AGMO: variants seen among roughly 807,000 people sequenced by gnomAD.
The protein encoded by AGMO is glyceryl-ether monooxygenase.
A neutral mutation model predicts 60.2 loss-of-function variants in AGMO; 75 were observed. That is an observed-to-expected ratio of 1.25 (90% CI 1.03 to 1.51). The LOEUF (loss-of-function observed/expected upper bound fraction) is 1.51, where lower values mean the gene tolerates loss of function less well. Ranked by LOEUF, AGMO falls within the 40% of genes most tolerant of loss-of-function variation. The probability of loss-of-function intolerance (pLI) is 0.00; values close to 1 mark genes in which losing one functional copy is unlikely to be tolerated. For missense variants in AGMO, 763 were observed against 525.5 expected (o/e 1.45, Z -4.42); for synonymous variants, 261 against 177.1 (o/e 1.47, Z -3.76).
intron 12 of AGMO, among the ~76,000 whole-genome samples, chr7:15,282,793 G>A (rs1182038647): frequency 1.3e-5 from 2 of 152,090 alleles, no homozygotes; most frequent in African/African-American, 2.4e-5. Context: ...TACTCATTGG[G>A]ATTTCTAAAG....
chr7:15,120,498 C>A, the AGMO span, among the ~76,000 whole-genome samples: 1 of 152,110 alleles, frequency 6.6e-6, no homozygotes, highest in Non-Finnish European at 1.5e-5. Context: ...GATAATGTCA[C>A]AAGGATGGGA....
At chr7:15,166,116 A>G in the AGMO span, among the ~76,000 whole-genome samples, 5 of 152,338 alleles carry the variant, frequency 3.3e-5, no homozygotes, top group Admixed American at 6.5e-5. Context: ...AGTAATAAAC[A>G]TAATAAATAA....
chr7:15,341,452 T>C (rs1781843829), intron 12 of AGMO, among the ~76,000 whole-genome samples: 1 of 152,156 alleles, frequency 6.6e-6, no homozygotes, highest in Non-Finnish European at 1.5e-5. Context: ...TCTGAGACCA[T>C]CTCAGCCTAG....
At chr7:15,272,385 T>G (rs1783642655) in intron 12 of AGMO, among the ~76,000 whole-genome samples, 1 of 149,590 alleles carries the variant, frequency 6.7e-6, no homozygotes, top group Non-Finnish European at 1.5e-5. Flanking sequence ...CGGTGTTTGG[T>G]TTTTTGTTCT....
intron 5 of AGMO, among the ~76,000 whole-genome samples, chr7:15,406,713 A>G (rs1484064722): frequency 4.8e-5 from 4 of 82,560 alleles, no homozygotes; most frequent in African/African-American, 1.8e-4. Flanking sequence ...ATATATGTGT[A>G]TATATATGTA....
chr7:15,495,583 T>G (rs930366528), intron 3 of AGMO, among the ~76,000 whole-genome samples: 14 of 152,328 alleles, frequency 9.2e-5, no homozygotes, highest in African/African-American at 3.1e-4. Context: ...TTCCCATGTC[T>G]CAGTTTTTCA....
At chr7:15,383,440 C>G (rs558402182) in intron 10 of AGMO, among the ~76,000 whole-genome samples, 1 of 152,118 alleles carries the variant, frequency 6.6e-6, no homozygotes. Flanking sequence ...AAAAAAAGTC[C>G]CACCTAACAC....
At chr7:15,205,187 T>C (rs1282976901) in intron 12 of AGMO, among the ~76,000 whole-genome samples, 1 of 152,194 alleles carries the variant, frequency 6.6e-6, no homozygotes, top group Non-Finnish European at 1.5e-5. Context: ...ACACTTACTA[T>C]ATTTATCAAT....
chr7:15,339,958 C>A (rs183928632), intron 12 of AGMO, among the ~76,000 whole-genome samples: 1 of 152,266 alleles, frequency 6.6e-6, no homozygotes, highest in Admixed American at 6.5e-5. Context: ...TATTGGATAT[C>A]AACAAGTGAC....
intron 12 of AGMO, among the ~76,000 whole-genome samples, chr7:15,265,351 T>G (rs1164117040): frequency 6.6e-6 from 1 of 152,010 alleles, no homozygotes; most frequent in Non-Finnish European, 1.5e-5. Context: ...CTTTCTGCCC[T>G]GGTGACAGGA....
the AGMO span, among the ~76,000 whole-genome samples, chr7:15,134,022 G>C: frequency 3.9e-5 from 6 of 152,074 alleles, no homozygotes; most frequent in African/African-American, 7.2e-5. Context: ...GAGAGTTTGA[G>C]AACACAATTT....
At chr7:15,436,560 A>G (rs980489804) in intron 3 of AGMO, among the ~76,000 whole-genome samples, 2 of 152,222 alleles carry the variant, frequency 1.3e-5, no homozygotes, top group Non-Finnish European at 1.5e-5. Flanking sequence ...TGAATTCTGT[A>G]GGAGACAAAT....
chr7:15,404,600 G>C (rs1784636263), intron 5 of AGMO, among the ~76,000 whole-genome samples: 1 of 151,746 alleles, frequency 6.6e-6, no homozygotes, highest in East Asian at 1.9e-4. Context: ...AATCATGCTA[G>C]TATGAGTAAT....
intron 12 of AGMO, among the ~76,000 whole-genome samples, chr7:15,232,146 T>C (rs1367635177): frequency 2.6e-5 from 4 of 152,180 alleles, no homozygotes; most frequent in East Asian, 1.9e-4. Flanking sequence ...ATTAAAGAGA[T>C]CTTTTCAATG....
At chr7:15,365,379 G>GAAAAAAAAAAAAAAAAAAA (rs1782929826) in intron 12 of AGMO, 135 bp downstream of exon 12, 1 of 217,784 alleles carries the variant, frequency 4.6e-6, no homozygotes, top group Non-Finnish European at 7.4e-6. Context: ...GTACTGGTAA[G>GAAAAAAAAAAAAAAAAAAA]TAAAAAAAAA....
At position 15,487,288 on chromosome 7, in the gene AGMO, A is replaced by G. The variant is rs554779775; in HGVS notation, c.410-56180T>C. On this transcript the variant is annotated intron_variant, in intron 3 of 12. Coordinates refer to ENST00000342526, the MANE Select transcript of AGMO (RefSeq NM_001004320.2). The stretch of plus-strand genomic sequence containing the variant: ...TAAAATGTATATTATAATAAGACTT[A>G]CAGTCTTGTCATTAAATGGGGCAAA... Among the ~76,000 whole-genome samples the G allele has an allele frequency of 2.0e-5, 3 of 152,274 alleles. No homozygotes were observed. The East Asian group carries it at 5.8e-4, about 29-fold the overall frequency.
chr7:15,551,931 T>C (rs1784971521), intron 2 of AGMO, among the ~76,000 whole-genome samples: 1 of 151,342 alleles, frequency 6.6e-6, no homozygotes, highest in South Asian at 2.1e-4. Context: ...ACTACAAGGC[T>C]ACAGTAACCA....
the AGMO span, among the ~76,000 whole-genome samples, chr7:15,152,080 C>T: frequency 1.3e-5 from 2 of 152,176 alleles, no homozygotes; most frequent in Non-Finnish European, 2.9e-5. Context: ...GTGTTGGGTG[C>T]ATATATAGTT....
chr7:15,438,860 T>G (rs1781469033), intron 3 of AGMO, among the ~76,000 whole-genome samples: 1 of 152,204 alleles, frequency 6.6e-6, no homozygotes, highest in Admixed American at 6.5e-5. Context: ...CAATACATCC[T>G]CACTATTAAT....
Sources: gnomAD v4.1 joint callset for allele counts (sites outside exome capture counted in the v4.1 genomes callset) on GRCh38, gnomAD v4.1.1 for gene constraint, MANE v1.5 for transcripts, NCBI Gene and HGNC (gene_info 2026-07-23, HGNC 2026-07-21) for gene names.